Variants in ZAN observed in about 807,000 individuals in gnomAD.
ZAN encodes the protein zonadhesin (gene/pseudogene).
Under a neutral mutation model 286.2 loss-of-function variants are expected in ZAN, and 260 were observed. The ratio of observed to expected loss-of-function variants is 0.91; its 90% CI spans 0.82 to 1.01. The LOEUF (loss-of-function observed/expected upper bound fraction) is 1.01. ZAN is among the 50% of genes least tolerant of loss of function. ZAN has a pLI of 0.00. For synonymous variants in ZAN, 1,368 were observed against 1,417.5 expected (o/e 0.97, Z 0.79); for missense variants, 3,410 against 3,639.2 (o/e 0.94, Z 1.62).
chr7:100,787,937 ACGGCTTC>A lies in ZAN; in HGVS notation c.7029_7035del (p.Asp2343GlufsTer9). On this transcript the variant is annotated frameshift_variant, in exon 38 of 48. Coordinates refer to ENST00000613979, the MANE Select transcript of ZAN (RefSeq NM_003386.3). LOFTEE classifies it high-confidence loss of function. ...GGCGACCCCCGTTACCTCACATTTG[ACGGCTTC>A]AGCTACCGCTTGCAAGGCCGCATGA... is the stretch of plus-strand genomic sequence containing the variant. 1.5e-6 allele frequency: 2 copies of A among 1,303,780 alleles called. No homozygotes were observed. Among genetic ancestry groups the A allele is most frequent in the Non-Finnish European group, 2.2e-6 (2 of 918,548 alleles). The allele number at this position is 1,303,780 out of a possible 1,614,324, so 80.8% of individuals were successfully genotyped here.
intron 8 of ZAN, among the ~76,000 whole-genome samples, 184 bp from the exon 9 acceptor site, chr7:100,747,366 A>G (rs1808301684): frequency 1.3e-5 from 2 of 152,166 alleles, no homozygotes; most frequent in East Asian, 3.8e-4. Flanking sequence ...CAGCCTGGGC[A>G]ACAGAGCAAT....
In ZAN at chr7:100,765,478, G is replaced by A. The variant is rs187403309; in HGVS notation, c.4394G>A (p.Gly1465Asp). 1.9e-6 allele frequency: 3 copies of A among 1,613,218 alleles called. No individual in the cohort carries two copies. Among genetic ancestry groups the A allele is most frequent in the Admixed American group, 3.3e-5 (2 of 59,876 alleles). The stretch of plus-strand genomic sequence containing the variant: ...GTGGAGGCCTGTGAATGCAATCCGG[G>A]CTTCGTCCTCAGTGGCCTCGAGTGC... Reference protein sequence around the residue: ...RCVEACECNPGFVLSGLECIP... With the variant: ...RCVEACECNPDFVLSGLECIP... Residue 1465 changes from glycine to aspartate, a missense_variant, in exon 23 of 48, where the codon GGC (glycine) becomes GAC (aspartate). By Grantham distance (94) the Gly-to-Asp change is moderately conservative. Coordinates refer to ENST00000613979, the MANE Select transcript of ZAN (RefSeq NM_003386.3).
intron 22 of ZAN, among the ~76,000 whole-genome samples, chr7:100,765,062 C>A (rs576601377): frequency 2.0e-5 from 3 of 152,132 alleles, no homozygotes; most frequent in Non-Finnish European, 4.4e-5. Context: ...CGGTCCCCTG[C>A]GGGCCAACAG....
chr7:100,764,312 G>A (rs1809801262), intron 22 of ZAN, 116 bp downstream of exon 22: 1 of 1,277,550 alleles, frequency 7.8e-7, no homozygotes, highest in Admixed American at 3.0e-5. Context: ...GGACCAGCCT[G>A]GCCAACACCC....
intron 34 of ZAN, among the ~76,000 whole-genome samples, chr7:100,777,023 C>T (rs1344719636): frequency 6.9e-6 from 1 of 144,192 alleles, no homozygotes; most frequent in African/African-American, 2.5e-5. Context: ...TGAGCCACCG[C>T]GCCCGGCCCC....
rs1014110638 is a variant in ZAN, at chr7:100,737,470, G to A, written c.613+121G>A. 18 of 662,926 alleles carry A rather than the reference G, an allele frequency of 2.7e-5. 2 individuals carry two copies. The highest frequency in any genetic ancestry group is 4.4e-5 in the Non-Finnish European group (18 of 413,126). The allele number at this position is 662,926 out of a possible 1,614,324, so 41.1% of individuals were successfully genotyped here. On this transcript the variant is annotated intron_variant, in intron 6 of 47. Coordinates refer to ENST00000613979, the MANE Select transcript of ZAN (RefSeq NM_003386.3). ...GCCTGTAATCCCAGCACTTTGGGAG[G>A]CCGAGGCGGGCGGATCACGAGGTCA... is the stretch of plus-strand genomic sequence containing the variant.
At chr7:100,739,938 G>A (rs963635134) in intron 7 of ZAN, among the ~76,000 whole-genome samples, 2 of 141,242 alleles carry the variant, frequency 1.4e-5, no homozygotes, top group Non-Finnish European at 3.2e-5. Flanking sequence ...GATTATAGGC[G>A]TTGAGCCACT....
Position 100,790,963 on chromosome 7 carries a change from A to T in ZAN, c.7379A>T (p.Tyr2460Phe), listed in dbSNP as rs1373041364. 1 of 1,612,000 alleles carries T rather than the reference A, an allele frequency of 6.2e-7. No homozygotes were observed. Among genetic ancestry groups the T allele is most frequent in the African/African-American group, 1.3e-5 (1 of 74,638 alleles). ...GCAGTGATCTCCCTACCCAGCATGTACGAGGGGCTTGTGAGTGGCCTGTGC... is the reference window on the plus strand; with the variant it reads ...GCAGTGATCTCCCTACCCAGCATGTTCGAGGGGCTTGTGAGTGGCCTGTGC... ...KNAVISLPSMYEGLVSGLCGN... is the reference protein window; with the variant it reads ...KNAVISLPSMFEGLVSGLCGN... The change falls in exon 40 of 48, where the codon TAC becomes TTC. Residue 2460 changes from tyrosine to phenylalanine, a missense_variant. Tyr to Phe is a conservative substitution (Grantham distance 22, BLOSUM62 3). Coordinates refer to ENST00000613979, the MANE Select transcript of ZAN (RefSeq NM_003386.3).
chr7:100,778,577 C>T (rs1031968004), intron 34 of ZAN, among the ~76,000 whole-genome samples: 8 of 152,240 alleles, frequency 5.3e-5, no homozygotes, highest in Admixed American at 4.6e-4. Context: ...CACTGTACTC[C>T]AGACTGGGCG....
chr7:100,762,363 G>A lies in ZAN; in HGVS notation c.3986+5G>A. 3 of 1,600,418 alleles carry A rather than the reference G, an allele frequency of 1.9e-6. No homozygotes were observed. Among genetic ancestry groups the A allele is most frequent in the Non-Finnish European group, 2.6e-6 (3 of 1,171,714 alleles). On this transcript the variant is annotated splice_donor_5th_base_variant and intron_variant, in intron 20 of 47. Transcript: ENST00000613979. ...GGACCAGGACGAGGACCAGGAGTGA[G>A]CAAGGAGCCCTCCCACCGGGGCCCT...
chr7:100,789,319 C>T lies in ZAN; in HGVS notation c.7329C>T (p.Val2443=). The change falls in exon 39 of 48, where the codon GTC becomes GTT. Residue 2443 remains valine (V), a synonymous_variant. Transcript: ENST00000613979. ...RLYLVTDFEL[V]VSFGGRKNAV... is the part of the protein sequence containing the mutation. ...ACCTGGTCACCGACTTTGAGCTGGT[C>T]GTCAGCTTTGGTGGAAGGAAAAATG... 2 of 1,613,682 alleles carry T rather than the reference C, an allele frequency of 1.2e-6. No homozygotes were observed. The highest frequency in any genetic ancestry group is 1.7e-6 in the Non-Finnish European group (2 of 1,179,786).
rs1294487142 is a variant in ZAN, at chr7:100,779,678, CT to C, written c.6551del (p.Leu2184ArgfsTer73). The C allele has an allele frequency of 6.4e-7, 1 of 1,567,902 alleles. No homozygotes were observed. Among genetic ancestry groups the C allele is most frequent in the Non-Finnish European group, 8.6e-7 (1 of 1,156,798 alleles). On this transcript the variant is annotated frameshift_variant, in exon 35 of 48. Transcript: ENST00000613979. LOFTEE classifies it high-confidence loss of function. ...TCTCTACCAGGCCCTCTGCCAGGCT[CT>C]GCAAGCCTTCGGGGCCACCTGCCAG... ...GGLYQALCQA[L>X]QAFGATCQSQ...
intron 7 of ZAN, among the ~76,000 whole-genome samples, 173 bp from the exon 8 acceptor site, chr7:100,746,365 A>G (rs562586980): frequency 6.6e-6 from 1 of 152,300 alleles, no homozygotes; most frequent in Non-Finnish European, 1.5e-5. Flanking sequence ...AAGCATTTCT[A>G]GGAAAAGTTG....
At chr7:100,780,233 T>A in intron 35 of ZAN, among the ~76,000 whole-genome samples, 1 of 152,006 alleles carries the variant, frequency 6.6e-6, no homozygotes. Flanking sequence ...TTGATAAAGT[T>A]GTGCAACCAT....
Position 100,793,816 on chromosome 7 carries a change from G to A in ZAN, c.7788-4G>A, listed in dbSNP as rs1035965287. The A allele has an allele frequency of 1.3e-5, 20 of 1,576,680 alleles. No homozygotes were observed. Among genetic ancestry groups the A allele is most frequent in the Middle Eastern group, 1.7e-4 (1 of 5,862 alleles). On this transcript the variant is annotated splice_polypyrimidine_tract_variant and splice_region_variant and intron_variant, in intron 42 of 47. Transcript: ENST00000613979. ...CCAGTTTCTGACCATGACTGTCCCC[G>A]CAGCCATGGAGTGTCCAGCAGGTAC...
At chr7:100,792,647 C>A in intron 42 of ZAN, 168 bp downstream of exon 42, 1 of 1,399,750 alleles carries the variant, frequency 7.1e-7, no homozygotes, top group Non-Finnish European at 9.3e-7. Context: ...CTGTCTTAGT[C>A]CCATCATCCC....
intron 26 of ZAN, 106 bp from the exon 27 acceptor site, chr7:100,768,503 AC>A: frequency 4.3e-6 from 4 of 921,156 alleles, no homozygotes; most frequent in Non-Finnish European, 6.5e-6. Flanking sequence ...GAAAGGGTTA[AC>A]CTTGCTATGT....
intron 14 of ZAN, among the ~76,000 whole-genome samples, chr7:100,753,890 A>G (rs1359775004): frequency 6.6e-6 from 1 of 151,442 alleles, no homozygotes; most frequent in Non-Finnish European, 1.5e-5. Context: ...GTATATTCCT[A>G]AGGTTGTGCA....
chr7:100,762,118 G>GT, intron 19 of ZAN, 97 bp from the exon 20 acceptor site: 11 of 1,518,694 alleles, frequency 7.2e-6, no homozygotes, highest in Non-Finnish European at 9.0e-6. Flanking sequence ...CACGCCCTCT[G>GT]TTTTAGGATC....
Sources: allele counts gnomAD v4.1 joint callset (sites outside exome capture counted in the v4.1 genomes callset), GRCh38; gene constraint gnomAD v4.1.1; transcripts MANE v1.5; gene names NCBI Gene and HGNC (gene_info 2026-07-23, HGNC 2026-07-21).